The following CHCHD6 variants were observed in gnomAD, a reference collection of about 807,000 sequenced individuals.
The protein encoded by CHCHD6 is MICOS complex subunit MIC25.
In CHCHD6, 28 loss-of-function variants were observed where a neutral mutation model predicts 32.3. That is an observed-to-expected ratio of 0.87 (90% CI 0.64 to 1.19). CHCHD6 has a LOEUF of 1.19. Among genes scored for constraint, CHCHD6 ranks in the 50% most tolerant of loss-of-function variants. The pLI is 0.00. For synonymous variants in CHCHD6, 122 were observed against 117.5 expected (o/e 1.04, Z -0.25); for missense variants, 333 against 307.0 (o/e 1.08, Z -0.63).
intron 5 of CHCHD6, among the ~76,000 whole-genome samples, chr3:126,883,616 A>T (rs2077640307): frequency 1.3e-5 from 2 of 152,070 alleles, no homozygotes; most frequent in Admixed American, 1.3e-4. Flanking sequence ...TCTAAGGCGT[A>T]CTCCAAACCT....
chr3:126,883,298 G>A (rs747300117), intron 5 of CHCHD6, among the ~76,000 whole-genome samples: 12 of 152,208 alleles, frequency 7.9e-5, no homozygotes, highest in African/African-American at 2.4e-4. Flanking sequence ...ACTCGAAGCC[G>A]ATTGGTCAGA....
At chr3:126,825,878 A>G (rs1940371277) in intron 4 of CHCHD6, among the ~76,000 whole-genome samples, 1 of 152,196 alleles carries the variant, frequency 6.6e-6, no homozygotes, top group African/African-American at 2.4e-5. Flanking sequence ...GAACGATGCA[A>G]CAAACACGTT....
intron 2 of CHCHD6, among the ~76,000 whole-genome samples, chr3:126,729,075 A>C (rs768611330): frequency 2.6e-5 from 4 of 152,248 alleles, no homozygotes; most frequent in Non-Finnish European, 5.9e-5. Flanking sequence ...GCTTGAAGCC[A>C]TGAAAGTACA....
intron 4 of CHCHD6, among the ~76,000 whole-genome samples, chr3:126,765,543 C>T (rs956949922): frequency 2.9e-4 from 44 of 152,172 alleles, no homozygotes; most frequent in African/African-American, 9.7e-4. Context: ...AGTAACAGGA[C>T]GGCCTGTGCG....
chr3:126,844,395 A>G (rs1392891955), intron 4 of CHCHD6, among the ~76,000 whole-genome samples: 2 of 152,184 alleles, frequency 1.3e-5, no homozygotes, highest in East Asian at 3.8e-4. Flanking sequence ...GAGTTTTATT[A>G]TAAGTACCTA....
intron 4 of CHCHD6, among the ~76,000 whole-genome samples, chr3:126,797,853 G>A (rs1405180014): frequency 6.6e-6 from 1 of 152,094 alleles, no homozygotes; most frequent in African/African-American, 2.4e-5. Context: ...TCTCCCCCAT[G>A]GTGTGGTGTG....
intron 5 of CHCHD6, among the ~76,000 whole-genome samples, chr3:126,882,701 C>G (rs1028576844): frequency 2.0e-5 from 3 of 152,196 alleles, no homozygotes; most frequent in African/African-American, 7.2e-5. Context: ...CTTTCTAAGG[C>G]AATTATCACA....
chr3:126,919,800 G>A (rs2078221097), intron 6 of CHCHD6, among the ~76,000 whole-genome samples: 1 of 150,850 alleles, frequency 6.6e-6, no homozygotes, highest in Non-Finnish European at 1.5e-5. Context: ...TGATATTGCT[G>A]TCATTCCTTT....
At chr3:126,959,234 C>T (rs1047079919) in intron 7 of CHCHD6, among the ~76,000 whole-genome samples, 2 of 152,252 alleles carry the variant, frequency 1.3e-5, no homozygotes, top group African/African-American at 4.8e-5. Flanking sequence ...CCAGGTCTGG[C>T]TCCCTCCTTC....
At chr3:126,956,300 T>TA (rs1483668126) in intron 6 of CHCHD6, among the ~76,000 whole-genome samples, 2 of 152,302 alleles carry the variant, frequency 1.3e-5, no homozygotes, top group East Asian at 1.9e-4. Context: ...TGTTAAGTGT[T>TA]ACAGTGGGTC....
intron 7 of CHCHD6, among the ~76,000 whole-genome samples, chr3:126,959,686 G>C (rs2078832803): frequency 6.6e-6 from 1 of 152,206 alleles, no homozygotes; most frequent in Admixed American, 6.5e-5. Flanking sequence ...CCTGGCACCT[G>C]CCTGTGTGCA....
In CHCHD6 at chr3:126,902,793, C is replaced by T. The variant is rs765025564; in HGVS notation, c.496-11887C>T. Among the ~76,000 whole-genome samples the T allele has an allele frequency of 1.1e-4, 17 of 151,962 alleles. No homozygotes were observed. The South Asian group carries it at 1.5e-3, about 13-fold the overall frequency. ...GGCCTCCCTTCTGCACATCCATGCT[C>T]CTCGGACCTCACACACATGGACCAC... On this transcript the variant is annotated intron_variant, in intron 5 of 7. Transcript: ENST00000290913.
chr3:126,746,113 A>G (rs957039121), intron 4 of CHCHD6, among the ~76,000 whole-genome samples: 3 of 152,134 alleles, frequency 2.0e-5, no homozygotes, highest in Non-Finnish European at 4.4e-5. Flanking sequence ...GTATGTGGCA[A>G]AGCCTTTTGC....
intron 5 of CHCHD6, among the ~76,000 whole-genome samples, chr3:126,857,925 C>G (rs1245912359): frequency 6.6e-6 from 1 of 152,156 alleles, no homozygotes; most frequent in Non-Finnish European, 1.5e-5. Flanking sequence ...TGGGTATGCC[C>G]CAGGACCTAG....
At chr3:126,819,670 C>A (rs1439709067) in intron 4 of CHCHD6, among the ~76,000 whole-genome samples, 1 of 152,198 alleles carries the variant, frequency 6.6e-6, no homozygotes, top group East Asian at 1.9e-4. Context: ...AGTGGCCACA[C>A]CTGGTAGAAG....
chr3:126,892,449 C>T (rs1109801), intron 5 of CHCHD6, among the ~76,000 whole-genome samples: 50,610 of 152,102 alleles, frequency 0.33, 10,766 homozygotes, highest in African/African-American at 0.6. Flanking sequence ...TCTCCTGCCG[C>T]AGGGTGCTCA....
chr3:126,932,913 G>A (rs961502622), intron 6 of CHCHD6, among the ~76,000 whole-genome samples: 1 of 152,180 alleles, frequency 6.6e-6, no homozygotes, highest in Non-Finnish European at 1.5e-5. Flanking sequence ...AGGGTCCTAG[G>A]TTGCCCTATT....
intron 4 of CHCHD6, among the ~76,000 whole-genome samples, chr3:126,806,263 C>G (rs1166467964): frequency 1.4e-4 from 21 of 152,084 alleles, no homozygotes; most frequent in Admixed American, 1.4e-3. Context: ...AGTGAACAGA[C>G]AACCTAAAAA....
rs752610033 is a variant in CHCHD6 at position 126,813,377 on chromosome 3, G to GGT, written c.412-39269_412-39268dup. On this transcript the variant is annotated intron_variant, in intron 4 of 7. Coordinates refer to ENST00000290913, the MANE Select transcript of CHCHD6 (RefSeq NM_032343.3). ...CTGCTGTTGTTTTTAAATATACTAA[G>GGT]GTACTTTGCTGTTTTAATAAAATAT... Among the ~76,000 whole-genome samples, 31 of 152,148 alleles carry GGT rather than the reference G, an allele frequency of 2.0e-4. 1 individual carries two copies. The highest frequency in any genetic ancestry group is 5.9e-5 in the Non-Finnish European group (4 of 68,020).
Sources: gnomAD v4.1 joint callset for allele counts (sites outside exome capture counted in the v4.1 genomes callset) on GRCh38, gnomAD v4.1.1 for gene constraint, MANE v1.5 for transcripts, NCBI Gene and HGNC (gene_info 2026-07-23, HGNC 2026-07-21) for gene names.